ICE2: variants seen among roughly 807,000 people sequenced by gnomAD.
ICE2 encodes little elongation complex subunit 2.
In ICE2, 87 loss-of-function variants were observed where a neutral mutation model predicts 105.4. The ratio of observed to expected loss-of-function variants is 0.83; its 90% CI spans 0.69 to 0.99. The LOEUF (loss-of-function observed/expected upper bound fraction) is 0.99, where lower values mean the gene tolerates loss of function less well. Ranked by LOEUF, ICE2 falls within the 50% of genes least tolerant of loss-of-function variation. The pLI is 0.00. For synonymous variants in ICE2, 399 were observed against 392.0 expected (o/e 1.02, Z -0.21); for missense variants, 1,323 against 1,146.7 (o/e 1.15, Z -2.22).
At chr15:60,467,538 G>T (rs984339597) in intron 4 of ICE2, among the ~76,000 whole-genome samples, 2 of 152,072 alleles carry the variant, frequency 1.3e-5, no homozygotes, top group African/African-American at 4.8e-5. Flanking sequence ...TAGGATTAGA[G>T]AAGATAGTTT....
chr15:60,478,651 C>A (rs2100431), intron 1 of ICE2: 241,315 of 330,318 alleles, frequency 0.73, 89,377 homozygotes, highest in East Asian at 0.94. Flanking sequence ...ATAAAGTGAC[C>A]TGCGAGAACC....
chr15:60,458,826 G>T (rs557577904), intron 5 of ICE2, among the ~76,000 whole-genome samples: 42 of 152,152 alleles, frequency 2.8e-4, no homozygotes, highest in African/African-American at 1.0e-3. Flanking sequence ...CAAATCTTGA[G>T]GACATTATGC....
intron 11 of ICE2, among the ~76,000 whole-genome samples, chr15:60,444,984 C>G (rs1319429597): frequency 6.6e-6 from 1 of 152,162 alleles, no homozygotes; most frequent in Admixed American, 6.5e-5. Flanking sequence ...CGTGCCTGGC[C>G]TAGCCTCTTT....
chr15:60,447,166 G>T (rs1165096059), intron 11 of ICE2, among the ~76,000 whole-genome samples: 1 of 152,120 alleles, frequency 6.6e-6, no homozygotes, highest in African/African-American at 2.4e-5. Flanking sequence ...GAAAGGAAGA[G>T]ATTTGGTCTT....
chr15:60,448,042 C>G lies in ICE2; in HGVS notation c.2223G>C (p.Leu741Phe). The G allele has an allele frequency of 6.2e-7, 1 of 1,613,926 alleles. No homozygotes were observed. Among genetic ancestry groups the G allele is most frequent in the Non-Finnish European group, 8.5e-7 (1 of 1,179,838 alleles). ...VYKLFSLQDL[L>F]LLVRCSVQRI... ...TCTGGACACTGCAGCGTACGAGTAA[C>G]AACAGGTCTTGCAGGCTAAATAACT... The change falls in exon 11 of 16, where the codon TTG (leucine) becomes TTC (phenylalanine). Residue 741 changes from leucine to phenylalanine, a missense_variant. By Grantham distance (22) the Leu-to-Phe change is conservative. Transcript: ENST00000261520.
At chr15:60,469,436 C>A (rs572395745) in intron 3 of ICE2, among the ~76,000 whole-genome samples, 1 of 152,098 alleles carries the variant, frequency 6.6e-6, no homozygotes, top group South Asian at 2.1e-4. Context: ...TGCACATGCA[C>A]CCTGGAACTT....
At chr15:60,473,827 T>C (rs2064678392) in intron 3 of ICE2, among the ~76,000 whole-genome samples, 1 of 152,228 alleles carries the variant, frequency 6.6e-6, no homozygotes, top group Non-Finnish European at 1.5e-5. Context: ...TATCTGACAT[T>C]AGCACAGACA....
At chr15:60,446,431 T>C (rs1396029954) in intron 11 of ICE2, among the ~76,000 whole-genome samples, 1 of 152,202 alleles carries the variant, frequency 6.6e-6, no homozygotes, top group Non-Finnish European at 1.5e-5. Context: ...AGTCTCACTC[T>C]GTTGCCCAGG....
chr15:60,427,484 G>C (rs2140989325), intron 15 of ICE2, among the ~76,000 whole-genome samples: 1 of 152,282 alleles, frequency 6.6e-6, no homozygotes. Context: ...GCAGTAGAGT[G>C]ATCTTGGGTC....
At chr15:60,442,184 T>C (rs1226516530) in intron 12 of ICE2, 2 of 365,684 alleles carry the variant, frequency 5.5e-6, no homozygotes, top group Non-Finnish European at 9.7e-6. Context: ...CCCCAGCTAC[T>C]TGGAAGGCTG....
chr15:60,466,383 G>C (rs2064428619), intron 5 of ICE2, among the ~76,000 whole-genome samples: 1 of 152,182 alleles, frequency 6.6e-6, no homozygotes, highest in Non-Finnish European at 1.5e-5. Flanking sequence ...GATTGTTAAA[G>C]AATATAAATA....
intron 12 of ICE2, chr15:60,438,778 T>A (rs2063652984): frequency 6.6e-6 from 1 of 152,176 alleles, no homozygotes; most frequent in African/African-American, 2.4e-5. Flanking sequence ...GGGCCTCAAA[T>A]AAGATATATA....
At chr15:60,437,018 C>T (rs898688474) in intron 12 of ICE2, among the ~76,000 whole-genome samples, 5 of 151,954 alleles carry the variant, frequency 3.3e-5, no homozygotes, top group East Asian at 1.9e-4. Context: ...TTTGGGAGGC[C>T]GAGGCGGGCA....
At chr15:60,443,203 A>C (rs1450118961) in intron 11 of ICE2, 1 of 152,250 alleles carries the variant, frequency 6.6e-6, no homozygotes, top group Non-Finnish European at 1.5e-5. Flanking sequence ...AGGGAGCGTA[A>C]GCAAAGAAAT....
chr15:60,433,245 G>A (rs1234696788), intron 13 of ICE2, among the ~76,000 whole-genome samples: 2 of 150,370 alleles, frequency 1.3e-5, no homozygotes, highest in South Asian at 2.1e-4. Context: ...CCGCCACCAC[G>A]CCCGGCTAAG....
chr15:60,476,270 C>A (rs3759910), intron 2 of ICE2, 103 bp from the exon 3 acceptor site: 1 of 666,212 alleles, frequency 1.5e-6, no homozygotes. Flanking sequence ...TACCTTCTTA[C>A]CCCCCCATCC....
At chr15:60,436,293 G>T in intron 12 of ICE2, 66 bp from the exon 13 acceptor site, 1 of 559,814 alleles carries the variant, frequency 1.8e-6, no homozygotes, top group Non-Finnish European at 3.0e-6. Flanking sequence ...AAAAAACCAA[G>T]TTATCCTGTC....
intron 12 of ICE2, chr15:60,440,240 A>G (rs983600839): frequency 2.6e-5 from 4 of 152,218 alleles, no homozygotes; most frequent in Non-Finnish European, 5.9e-5. Flanking sequence ...CTTATACTTT[A>G]TACAATTACT....
intron 14 of ICE2, 144 bp downstream of exon 14, chr15:60,431,790 T>C (rs2063466199): frequency 2.0e-6 from 1 of 495,672 alleles, no homozygotes; most frequent in South Asian, 2.4e-5. Context: ...ATTTTTACAA[T>C]ATAAATGTTT....
Sources: gnomAD v4.1 joint callset for allele counts (sites outside exome capture counted in the v4.1 genomes callset) on GRCh38, gnomAD v4.1.1 for gene constraint, MANE v1.5 for transcripts, NCBI Gene and HGNC (gene_info 2026-07-23, HGNC 2026-07-21) for gene names.